Variants in E2F6 observed in about 807,000 individuals in gnomAD.
E2F6 encodes the protein E2F transcription factor 6.
Under a neutral mutation model 31.5 loss-of-function variants are expected in E2F6, and 19 were observed. The observed-to-expected ratio is 0.60, with a 90% CI of 0.42 to 0.89. E2F6 has a LOEUF of 0.89. E2F6 is among the 40% of genes least tolerant of loss of function. E2F6 has a pLI of 0.00. For synonymous variants in E2F6, 121 were observed against 127.7 expected (o/e 0.95, Z 0.36); for missense variants, 269 against 341.6 (o/e 0.79, Z 1.67).
In E2F6 at chr2:11,465,918, G is replaced by A. The variant is rs751633021; in HGVS notation, c.-39C>T. On this transcript the variant is annotated 5_prime_UTR_variant, in exon 1 of 7. Coordinates refer to ENST00000381525, the MANE Select transcript of E2F6 (RefSeq NM_198256.4). ...GCGTCCTGCTCCCCTCGCACCCCAC[G>A]AGCTCTCCCGCCCTCTCGCGCTCAG... is the stretch of plus-strand genomic sequence containing the variant. 97 of 1,485,266 alleles carry A rather than the reference G, an allele frequency of 6.5e-5. No homozygotes were observed. Among genetic ancestry groups the A allele is most frequent in the Non-Finnish European group, 8.7e-5 (96 of 1,108,630 alleles). 92.0% of individuals were successfully genotyped at this position (1,485,266 alleles called of 1,614,324 possible).
At chr2:11,452,514 G>C (rs1009905546) in intron 3 of E2F6, among the ~76,000 whole-genome samples, 1 of 151,646 alleles carries the variant, frequency 6.6e-6, no homozygotes, top group African/African-American at 2.4e-5. Context: ...TGAGGCAGGA[G>C]AATCACTTGA....
At chr2:11,451,832 T>C (rs1308140989) in intron 3 of E2F6, 26 bp from the exon 4 acceptor site, 3 of 1,595,952 alleles carry the variant, frequency 1.9e-6, no homozygotes, top group Non-Finnish European at 2.6e-6. Context: ...AATGTCAGCA[T>C]CAATACCAAC....
At chr2:11,460,867 G>A (rs547590670) in intron 1 of E2F6, among the ~76,000 whole-genome samples, 39 of 152,234 alleles carry the variant, frequency 2.6e-4, no homozygotes, top group Admixed American at 1.2e-3. Context: ...CCATTATGAT[G>A]GCTACAATGT....
intron 6 of E2F6, among the ~76,000 whole-genome samples, chr2:11,446,918 C>G (rs1031907368): frequency 6.6e-6 from 1 of 152,232 alleles, no homozygotes; most frequent in Admixed American, 6.5e-5. Flanking sequence ...ATCGGTCCAG[C>G]CTGTGGCTCT....
In E2F6 at chr2:11,444,772, CACA is replaced by C. The variant is rs1429459106; in HGVS notation, c.*1702_*1704del. 6.6e-6 allele frequency: 1 copy of C among 152,256 alleles called. No homozygotes were observed. Among genetic ancestry groups the C allele is most frequent in the Admixed American group, 6.5e-5 (1 of 15,284 alleles). 9.4% of individuals were successfully genotyped at this position (152,256 alleles called of 1,614,324 possible). A position where few individuals can be genotyped will look rare whatever the true frequency, so the allele number is the denominator to read the frequency against. On this transcript the variant is annotated 3_prime_UTR_variant, in exon 7 of 7. Transcript: ENST00000381525. ...CCGCTGAGCACCTGACCTACATACA[CACA>C]ACAACCTGCTCAACTCTTGCTTTCA... is the stretch of plus-strand genomic sequence containing the variant.
chr2:11,448,304 C>CT (rs1670849925), intron 5 of E2F6, among the ~76,000 whole-genome samples: 1 of 152,204 alleles, frequency 6.6e-6, no homozygotes, highest in Non-Finnish European at 1.5e-5. Flanking sequence ...AATCAAAATA[C>CT]TTTTTTTCCG....
At chr2:11,460,005 C>T (rs1375161411) in intron 1 of E2F6, among the ~76,000 whole-genome samples, 8 of 152,128 alleles carry the variant, frequency 5.3e-5, no homozygotes, top group Non-Finnish European at 1.2e-4. Flanking sequence ...ACAGAGTATA[C>T]AGCTCTCTAG....
chr2:11,448,742 AG>A (rs1217113691), intron 5 of E2F6, among the ~76,000 whole-genome samples: 2 of 152,260 alleles, frequency 1.3e-5, no homozygotes, highest in Non-Finnish European at 2.9e-5. Flanking sequence ...ATAAAGGCTG[AG>A]ATGGTAAATA....
At chr2:11,453,076 T>C (rs1671172242) in intron 3 of E2F6, among the ~76,000 whole-genome samples, 2 of 152,250 alleles carry the variant, frequency 1.3e-5, no homozygotes. Context: ...CACACACAGA[T>C]ACCTTTATCT....
chr2:11,448,802 G>A (rs1043648573), intron 5 of E2F6, among the ~76,000 whole-genome samples: 1 of 152,188 alleles, frequency 6.6e-6, no homozygotes, highest in African/African-American at 2.4e-5. Context: ...TTTTAACTCT[G>A]CCACTATAGT....
Position 11,454,344 on chromosome 2 carries a change from ATCTC to A in E2F6, c.164-550_164-547del, listed in dbSNP as rs1300663611. Among the ~76,000 whole-genome samples the A allele has an allele frequency of 3.9e-3, 587 of 150,426 alleles. 1 individual carries two copies. The highest frequency in any genetic ancestry group is 0.013 in the African/African-American group (550 of 41,000). On this transcript the variant is annotated intron_variant, in intron 2 of 6. Coordinates refer to ENST00000381525, the MANE Select transcript of E2F6 (RefSeq NM_198256.4). ...ATGACATACCTCGAGCAACAGTGGT[ATCTC>A]TCTCTTTTTTTTTTTTTTTTGAGAG...
At chr2:11,457,087 G>T in intron 2 of E2F6, 92 bp downstream of exon 2, 1 of 994,530 alleles carries the variant, frequency 1.0e-6, no homozygotes, top group Non-Finnish European at 1.5e-6. Flanking sequence ...TTGTATTTCA[G>T]TTTCTCATCA....
At chr2:11,450,697 G>C (rs555345156) in intron 4 of E2F6, among the ~76,000 whole-genome samples, 1 of 152,038 alleles carries the variant, frequency 6.6e-6, no homozygotes, top group East Asian at 1.9e-4. Flanking sequence ...GTCTCACTGT[G>C]TTGCCTCAAA....
chr2:11,463,374 C>T (rs1426031938), intron 1 of E2F6, among the ~76,000 whole-genome samples: 1 of 152,192 alleles, frequency 6.6e-6, no homozygotes, highest in African/African-American at 2.4e-5. Flanking sequence ...TTCTTAATAA[C>T]ATTTTCTTTT....
At chr2:11,462,574 ATACTGGAAGCAC>A (rs947439714) in intron 1 of E2F6, among the ~76,000 whole-genome samples, 3 of 152,318 alleles carry the variant, frequency 2.0e-5, no homozygotes, top group African/African-American at 4.8e-5. Flanking sequence ...TCTCTTCAGC[ATACTGGAAGCAC>A]TACTGGAAGC....
rs1269781759 is a variant in E2F6 at position 11,447,665 on chromosome 2, G to A, written c.761C>T (p.Ser254Phe). 2 of 1,612,018 alleles carry A rather than the reference G, an allele frequency of 1.2e-6. No individual in the cohort carries two copies. Among genetic ancestry groups the A allele is most frequent in the Non-Finnish European group, 1.7e-6 (2 of 1,179,892 alleles). Reference protein sequence around the residue: ...SNKRSEGVGTSSSESTHPEGP... With the variant: ...SNKRSEGVGTFSSESTHPEGP... ...TTCTGGATGAGTGCTCTCAGATGAA[G>A]AGGTCCCGACACCTTCAGACCTTTT... is the stretch of plus-strand genomic sequence containing the variant. Residue 254 changes from serine to phenylalanine, a missense_variant, in exon 6 of 7, where the codon TCT (serine) becomes TTT (phenylalanine). Physicochemically the swap from Ser to Phe is radical, Grantham distance 155 (BLOSUM62 -2). Coordinates refer to ENST00000381525, the MANE Select transcript of E2F6 (RefSeq NM_198256.4).
chr2:11,450,594 C>T (rs752458281), intron 4 of E2F6, among the ~76,000 whole-genome samples: 3 of 152,124 alleles, frequency 2.0e-5, no homozygotes, highest in Non-Finnish European at 2.9e-5. Flanking sequence ...AAGGCATAAA[C>T]GACTTAGAGA....
intron 4 of E2F6, among the ~76,000 whole-genome samples, chr2:11,450,641 C>T (rs1671003634): frequency 6.6e-6 from 1 of 152,224 alleles, no homozygotes; most frequent in Admixed American, 6.5e-5. Flanking sequence ...GATGTTACTT[C>T]ATCCAAAATT....
At position 11,446,093 on chromosome 2, in the gene E2F6, A is replaced by G. The variant is rs1047392; in HGVS notation, c.*384T>C. 63,359 of 199,172 alleles carry G rather than the reference A, an allele frequency of 0.32. 11,974 individuals carry two copies. The highest frequency in any genetic ancestry group is 0.6 in the East Asian group (4,547 of 7,554). 12.3% of individuals were successfully genotyped at this position (199,172 alleles called of 1,614,324 possible). On this transcript the variant is annotated 3_prime_UTR_variant, in exon 7 of 7. Transcript: ENST00000381525. The stretch of plus-strand genomic sequence containing the variant: ...GCAATGTACAACAGTAACTGCAAAC[A>G]TGAACCAGTGTAAGGCAATTTCTTT...
Sources: allele counts gnomAD v4.1 joint callset (sites outside exome capture counted in the v4.1 genomes callset), GRCh38; gene constraint gnomAD v4.1.1; transcripts MANE v1.5; gene names NCBI Gene and HGNC (gene_info 2026-07-23, HGNC 2026-07-21).